The following TNS1 variants were observed in gnomAD, a reference collection of about 807,000 sequenced individuals.
TNS1 encodes tensin 1.
A neutral mutation model predicts 168.6 loss-of-function variants in TNS1; 62 were observed. The ratio of observed to expected loss-of-function variants is 0.37; its 90% CI spans 0.30 to 0.45. TNS1 has a LOEUF of 0.45. Ranked by LOEUF, TNS1 falls within the 20% of genes least tolerant of loss-of-function variation. TNS1 has a pLI of 1.00. For synonymous variants in TNS1, 934 were observed against 933.2 expected, an observed-to-expected ratio of 1.00 and a Z score of -0.02; for missense variants, 2,240 against 2,339.4, an observed-to-expected ratio of 0.96 and a Z score of 0.88.
At chr2:217,824,489 G>C (rs977898646) in intron 22 of TNS1, among the ~76,000 whole-genome samples, 1 of 152,206 alleles carries the variant, frequency 6.6e-6, no homozygotes, top group Non-Finnish European at 1.5e-5. Context: ...AGGATTCGGG[G>C]GATGTAAGTA....
Position 217,848,427 on chromosome 2 carries a change from G to A in TNS1, c.2090C>T (p.Ala697Val). The change falls in exon 19 of 33, where the codon GCT becomes GTT. Residue 697 changes from alanine to valine, a missense_variant. This residue lies in a region of TNS1 where 2,131 missense variants were observed against 2,171.2 expected (regional missense o/e 0.98). Transcript: ENST00000682258. ...GGGCCGCATGGGGGCCGTGTGGCCA[G>A]CATGGGCAGGCCCCGCCCGGCTGGC... The part of the protein sequence containing the change: ...ESASRAGPAH[A>V]GHTAPMRPSY... 6.2e-7 allele frequency: 1 copy of A among 1,607,282 alleles called. No individual in the cohort carries two copies. Among genetic ancestry groups the A allele is most frequent in the Non-Finnish European group, 8.5e-7 (1 of 1,175,912 alleles).
intron 1 of TNS1, among the ~76,000 whole-genome samples, chr2:218,031,555 A>G (rs1015051696): frequency 5.3e-5 from 7 of 131,566 alleles, no homozygotes; most frequent in African/African-American, 2.8e-4. Flanking sequence ...GTATGAGTGT[A>G]TGTGTGTGTC....
In TNS1 at chr2:217,803,777, T is replaced by G. The variant is rs918727113; in HGVS notation, c.*682A>C. The G allele has an allele frequency of 6.5e-6, 1 of 152,770 alleles. No homozygotes were observed. Among genetic ancestry groups the G allele is most frequent in the African/African-American group, 2.4e-5 (1 of 41,452 alleles). 9.5% of individuals were successfully genotyped at this position (152,770 alleles called of 1,614,324 possible). On this transcript the variant is annotated 3_prime_UTR_variant, in exon 33 of 33. Coordinates refer to ENST00000682258, the MANE Select transcript of TNS1 (RefSeq NM_001387777.1). The stretch of plus-strand genomic sequence containing the variant: ...CCCTAATCTTTGGACAGTATGCATG[T>G]GTGTCTACAAACACATGGGACAAGG...
Position 217,847,537 on chromosome 2 carries a change from C to T in TNS1, c.2980G>A (p.Glu994Lys), listed in dbSNP as rs146606722. The change falls in exon 19 of 33, where the codon GAA (glutamate) becomes AAA (lysine). Residue 994 changes from glutamate to lysine, a missense_variant. Physicochemically the swap from Glu to Lys is moderately conservative, Grantham distance 56. This residue lies in a region of TNS1 where 2,131 missense variants were observed against 2,171.2 expected (regional missense o/e 0.98). Transcript: ENST00000682258. ...GCTACCCTGTGGGCCACCAGCCCTT[C>T]TAAATTCAATGGCTCCTCCTCTGGA... Reference protein sequence around the residue: ...RTPEEEPLNLEGLVAHRVAGV... With the variant: ...RTPEEEPLNLKGLVAHRVAGV... The T allele has an allele frequency of 4.5e-3, 6,613 of 1,473,108 alleles. 18 individuals carry two copies. The highest frequency in any genetic ancestry group is 5.6e-3 in the Non-Finnish European group (6,183 of 1,105,594). 91.3% of individuals were successfully genotyped at this position (1,473,108 alleles called of 1,614,324 possible). A position where few individuals can be genotyped will look rare whatever the true frequency, so the allele number is the denominator to read the frequency against.
At chr2:217,898,249 C>G (rs954283958) in intron 7 of TNS1, among the ~76,000 whole-genome samples, 11 of 152,256 alleles carry the variant, frequency 7.2e-5, no homozygotes, top group African/African-American at 2.7e-4. Flanking sequence ...CCCATCAGTC[C>G]TTTGGCCACT....
At chr2:217,886,133 G>A in intron 13 of TNS1, 29 bp from the exon 14 acceptor site, 1 of 1,613,488 alleles carries the variant, frequency 6.2e-7, no homozygotes, top group Middle Eastern at 1.7e-4. Context: ...TGTTAGCTAA[G>A]ACAGCAGAAA....
At chr2:217,868,295 A>C (rs1949465414) in intron 18 of TNS1, among the ~76,000 whole-genome samples, 1 of 152,256 alleles carries the variant, frequency 6.6e-6, no homozygotes, top group South Asian at 2.1e-4. Flanking sequence ...CATAGCCTGC[A>C]GCCTGGTGGT....
intron 4 of TNS1, among the ~76,000 whole-genome samples, chr2:217,911,409 AC>A (rs993644443): frequency 1.3e-5 from 2 of 152,076 alleles, no homozygotes; most frequent in African/African-American, 4.8e-5. Context: ...CATTGCTCTC[AC>A]TCTGAGGTCC....
intron 3 of TNS1, among the ~76,000 whole-genome samples, chr2:217,923,864 C>G (rs1173633875): frequency 6.6e-6 from 1 of 152,190 alleles, no homozygotes; most frequent in Non-Finnish European, 1.5e-5. Flanking sequence ...GCATGGTAGC[C>G]TCCCAGACCA....
intron 3 of TNS1, among the ~76,000 whole-genome samples, chr2:217,921,544 T>C (rs969553817): frequency 1.3e-5 from 2 of 152,196 alleles, no homozygotes; most frequent in African/African-American, 4.8e-5. Flanking sequence ...TCAGCACCTG[T>C]GGGACAGTGT....
At chr2:217,873,101 G>A (rs1008463228) in intron 18 of TNS1, among the ~76,000 whole-genome samples, 3 of 152,150 alleles carry the variant, frequency 2.0e-5, no homozygotes, top group African/African-American at 2.4e-5. Context: ...TCTAAAATGA[G>A]ATTACGGTGA....
intron 8 of TNS1, among the ~76,000 whole-genome samples, chr2:217,897,254 A>G (rs932484286): frequency 6.6e-6 from 1 of 152,198 alleles, no homozygotes; most frequent in Admixed American, 6.5e-5. Context: ...CCCGTGTGCC[A>G]AGGTGACTCC....
At chr2:217,829,015 A>G (rs1055471711) in intron 22 of TNS1, among the ~76,000 whole-genome samples, 1 of 152,168 alleles carries the variant, frequency 6.6e-6, no homozygotes, top group African/African-American at 2.4e-5. Flanking sequence ...AGCTACTGGC[A>G]TCTAGCAGGT....
At chr2:217,863,499 A>G (rs1428834969) in intron 18 of TNS1, among the ~76,000 whole-genome samples, 1 of 152,134 alleles carries the variant, frequency 6.6e-6, no homozygotes, top group Non-Finnish European at 1.5e-5. Context: ...CCAAATGCCA[A>G]TAGTACCACA....
At chr2:217,916,423 C>T (rs1357157087) in intron 4 of TNS1, among the ~76,000 whole-genome samples, 2 of 152,332 alleles carry the variant, frequency 1.3e-5, no homozygotes, top group East Asian at 1.9e-4. Flanking sequence ...GCAGCTCTCC[C>T]GCACACAGAA....
intron 1 of TNS1, among the ~76,000 whole-genome samples, chr2:218,026,607 T>C (rs891582731): frequency 2.0e-5 from 3 of 152,114 alleles, no homozygotes; most frequent in African/African-American, 7.2e-5. Context: ...GTAGGGCACT[T>C]TCCCACCCAA....
At chr2:217,883,960 G>A (rs923456662) in intron 16 of TNS1, among the ~76,000 whole-genome samples, 3 of 152,206 alleles carry the variant, frequency 2.0e-5, no homozygotes, top group South Asian at 4.1e-4. Context: ...CACCTATCAT[G>A]CTTGTGCGTG....
At chr2:217,829,221 C>A (rs1366232464) in intron 22 of TNS1, among the ~76,000 whole-genome samples, 4 of 148,112 alleles carry the variant, frequency 2.7e-5, no homozygotes, top group Non-Finnish European at 3.0e-5. Context: ...ACTAAAAATA[C>A]AAAAAAAAAA....
At chr2:217,983,199 G>A (rs1958099430) in intron 2 of TNS1, among the ~76,000 whole-genome samples, 1 of 152,128 alleles carries the variant, frequency 6.6e-6, no homozygotes, top group Non-Finnish European at 1.5e-5. Context: ...GGACATGCAG[G>A]GAGAAACAAG....
Sources: allele counts gnomAD v4.1 joint callset (sites outside exome capture counted in the v4.1 genomes callset), GRCh38; gene constraint gnomAD v4.1.1; regional missense constraint gnomAD v4.1.1; transcripts MANE v1.5; gene names NCBI Gene and HGNC (gene_info 2026-07-23, HGNC 2026-07-21).